The following PHKB variants were observed in gnomAD, a reference collection of about 807,000 sequenced individuals.
The protein encoded by PHKB is phosphorylase b kinase regulatory subunit beta.
Under a neutral mutation model 152.1 loss-of-function variants are expected in PHKB, and 122 were observed. The ratio of observed to expected loss-of-function variants is 0.80; its 90% CI spans 0.69 to 0.93. PHKB has a LOEUF of 0.93. PHKB is among the 40% of genes least tolerant of loss of function. The pLI is 0.00. For synonymous variants in PHKB, 436 were observed against 464.9 expected (o/e 0.94, Z 0.80); for missense variants, 1,304 against 1,328.4 (o/e 0.98, Z 0.29).
chr16:47,490,141 T>C (rs1970122687), intron 1 of PHKB, among the ~76,000 whole-genome samples: 1 of 152,208 alleles, frequency 6.6e-6, no homozygotes, highest in Non-Finnish European at 1.5e-5. Context: ...TTTCTTGATA[T>C]TCATGAACAT....
intron 1 of PHKB, among the ~76,000 whole-genome samples, chr16:47,484,814 A>G (rs1597020812): frequency 6.6e-6 from 1 of 152,318 alleles, no homozygotes; most frequent in East Asian, 1.9e-4. Context: ...TAGGCATTCA[A>G]ATTTCCTTTT....
At chr16:47,688,372 C>G (rs1974001273) in intron 26 of PHKB, among the ~76,000 whole-genome samples, 1 of 152,118 alleles carries the variant, frequency 6.6e-6, no homozygotes, top group Admixed American at 6.5e-5. Flanking sequence ...GATGAATCTA[C>G]AAAAATGCTT....
intron 6 of PHKB, among the ~76,000 whole-genome samples, chr16:47,538,036 G>A (rs1970984597): frequency 6.6e-6 from 1 of 152,014 alleles, no homozygotes; most frequent in Admixed American, 6.6e-5. Flanking sequence ...GGGACCACAA[G>A]CATATGTTAC....
intron 7 of PHKB, among the ~76,000 whole-genome samples, chr16:47,556,695 A>G (rs1469752175): frequency 6.6e-6 from 1 of 152,170 alleles, no homozygotes; most frequent in Admixed American, 6.5e-5. Context: ...GGATTTTTGC[A>G]TCAATGTTCA....
intron 7 of PHKB, among the ~76,000 whole-genome samples, chr16:47,579,579 CTGAG>C (rs965859518): frequency 1.3e-5 from 2 of 151,996 alleles, no homozygotes; most frequent in African/African-American, 4.8e-5. Context: ...AATAATTAAA[CTGAG>C]TATTAGATAT....
At position 47,547,127 on chromosome 16, in the gene PHKB, T is replaced by C. The variant is rs553541185; in HGVS notation, c.595-306T>C. ...TGGGCTGCATCCACTGTCCGACTAT[T>C]CCCAATGAGGTGAACCGGTTATCTC... On this transcript the variant is annotated intron_variant, in intron 6 of 30. Coordinates refer to ENST00000323584, the MANE Select transcript of PHKB (RefSeq NM_000293.3). Among the ~76,000 whole-genome samples the C allele has an allele frequency of 2.6e-5, 4 of 152,264 alleles. No individual in the cohort carries two copies. The East Asian group carries it at 7.7e-4, about 29-fold the overall frequency.
At chr16:47,573,963 A>G (rs1971707384) in intron 7 of PHKB, among the ~76,000 whole-genome samples, 1 of 152,090 alleles carries the variant, frequency 6.6e-6, no homozygotes, top group Admixed American at 6.5e-5. Context: ...TCTGTTGCCC[A>G]AGCTGGATTG....
At chr16:47,587,325 C>A (rs1204835762) in intron 8 of PHKB, among the ~76,000 whole-genome samples, 2 of 152,088 alleles carry the variant, frequency 1.3e-5, no homozygotes, top group African/African-American at 4.8e-5. Context: ...TTTTATGAAT[C>A]TGCATTCTCA....
chr16:47,502,168 G>T (rs550104757), intron 3 of PHKB, among the ~76,000 whole-genome samples: 30 of 152,218 alleles, frequency 2.0e-4, no homozygotes, highest in African/African-American at 6.7e-4. Flanking sequence ...ATGATTGCCA[G>T]ATATTTTTAG....
chr16:47,677,566 G>T (rs969868783), intron 26 of PHKB, among the ~76,000 whole-genome samples: 1 of 152,050 alleles, frequency 6.6e-6, no homozygotes. Flanking sequence ...GAGAGAGAGA[G>T]CTCTCTGGTA....
intron 20 of PHKB, among the ~76,000 whole-genome samples, chr16:47,653,172 C>T (rs1324891657): frequency 2.6e-5 from 4 of 152,130 alleles, no homozygotes; most frequent in Non-Finnish European, 5.9e-5. Context: ...AACCTCATGA[C>T]CAAAGGACAT....
At position 47,660,526 on chromosome 16, in the gene PHKB, G is replaced by A. The variant is rs751852176; in HGVS notation, c.1992G>A (p.Val664=). 8.7e-6 allele frequency: 14 copies of A among 1,613,288 alleles called. No homozygotes were observed. The highest frequency in any genetic ancestry group is 1.2e-5 in the Non-Finnish European group (14 of 1,179,460). ...DRLQTLISGA[V]VEQLDFLRIS... is the part of the protein sequence containing the mutation. ...TTCAGACACTAATATCTGGAGCTGT[G>A]GTAGAACAACTTGATTTCCTACGAA... is the stretch of plus-strand genomic sequence containing the variant. Residue 664 remains valine, a synonymous_variant, in exon 21 of 31, where the codon GTG becomes GTA. Coordinates refer to ENST00000323584, the MANE Select transcript of PHKB (RefSeq NM_000293.3).
At chr16:47,513,476 C>T (rs1047947475) in intron 5 of PHKB, among the ~76,000 whole-genome samples, 1 of 152,100 alleles carries the variant, frequency 6.6e-6, no homozygotes, top group Admixed American at 6.5e-5. Context: ...CCTGTGTGGC[C>T]CACTTGGACC....
chr16:47,484,715 A>G (rs1480586737), intron 1 of PHKB, among the ~76,000 whole-genome samples: 1 of 152,174 alleles, frequency 6.6e-6, no homozygotes, highest in African/African-American at 2.4e-5. Context: ...ATTGTCATTT[A>G]TTTATCTAGA....
chr16:47,461,505 G>T, intron 1 of PHKB, 79 bp downstream of exon 1: 1 of 1,445,640 alleles, frequency 6.9e-7, no homozygotes, highest in Non-Finnish European at 9.7e-7. Flanking sequence ...CGGGAGGCAG[G>T]TGGGGGCCCT....
At chr16:47,618,731 A>G (rs1216214837) in intron 14 of PHKB, among the ~76,000 whole-genome samples, 1 of 152,176 alleles carries the variant, frequency 6.6e-6, no homozygotes, top group Non-Finnish European at 1.5e-5. Context: ...CCACTTTTCT[A>G]TGTCACATTT....
At chr16:47,570,442 T>C (rs1971638922) in intron 7 of PHKB, among the ~76,000 whole-genome samples, 1 of 152,224 alleles carries the variant, frequency 6.6e-6, no homozygotes, top group Non-Finnish European at 1.5e-5. Context: ...ATGTTTTACA[T>C]GGTCCCGTAT....
intron 1 of PHKB, among the ~76,000 whole-genome samples, chr16:47,466,471 C>T (rs557340207): frequency 3.9e-5 from 6 of 152,248 alleles, no homozygotes; most frequent in South Asian, 2.1e-4. Context: ...AGGTAGGAAA[C>T]GGCTTGGCAT....
intron 7 of PHKB, among the ~76,000 whole-genome samples, chr16:47,572,090 T>A (rs1391508323): frequency 6.6e-6 from 1 of 152,006 alleles, no homozygotes; most frequent in Non-Finnish European, 1.5e-5. Context: ...AAACAAATGA[T>A]CCACAATGGG....
Sources: gnomAD v4.1 joint callset for allele counts (sites outside exome capture counted in the v4.1 genomes callset) on GRCh38, gnomAD v4.1.1 for gene constraint, MANE v1.5 for transcripts, NCBI Gene and HGNC (gene_info 2026-07-23, HGNC 2026-07-21) for gene names.